The following ELMO1 variants were observed in gnomAD, a reference collection of about 807,000 sequenced individuals.
ELMO1 encodes the protein engulfment and cell motility protein 1.
ELMO1 carries 26 observed loss-of-function variants against 98.9 expected under a neutral mutation model. That is an observed-to-expected ratio of 0.26 (90% CI 0.19 to 0.36). The LOEUF is 0.36. ELMO1 is among the 10% of genes least tolerant of loss of function. The pLI is 1.00. For missense variants in ELMO1, 627 were observed against 935.2 expected (o/e 0.67, Z 4.30); for synonymous variants, 346 against 346.0 (o/e 1.00, Z 0.00).
At chr7:36,906,222 C>A (rs1010133812) in intron 16 of ELMO1, among the ~76,000 whole-genome samples, 5 of 152,224 alleles carry the variant, frequency 3.3e-5, no homozygotes, top group African/African-American at 9.7e-5. Context: ...CCTCAACAGA[C>A]AGACCAGGCA....
At chr7:37,350,941 T>A (rs2717953) in intron 1 of ELMO1, among the ~76,000 whole-genome samples, 56,730 of 151,980 alleles carry the variant, frequency 0.37, 11,045 homozygotes, top group Middle Eastern at 0.47. Context: ...AACACCTTGA[T>A]CTCTGACTTC....
intron 14 of ELMO1, among the ~76,000 whole-genome samples, chr7:37,105,432 G>A (rs1488161106): frequency 1.3e-5 from 2 of 152,196 alleles, no homozygotes; most frequent in African/African-American, 4.8e-5. Context: ...GATGGGTACA[G>A]GTGTAGGGGG....
chr7:37,033,984 T>G (rs188903597), intron 15 of ELMO1, among the ~76,000 whole-genome samples: 1 of 152,332 alleles, frequency 6.6e-6, no homozygotes, highest in East Asian at 1.9e-4. Flanking sequence ...TTAGTGGACT[T>G]ACTTACATTG....
chr7:37,362,643 C>T (rs1201157076), intron 1 of ELMO1, among the ~76,000 whole-genome samples: 1 of 152,158 alleles, frequency 6.6e-6, no homozygotes, highest in African/African-American at 2.4e-5. Context: ...TAGCCAACTG[C>T]CTACTTGACA....
At chr7:37,106,352 G>C (rs977866080) in intron 14 of ELMO1, among the ~76,000 whole-genome samples, 5 of 151,990 alleles carry the variant, frequency 3.3e-5, no homozygotes, top group African/African-American at 1.2e-4. Context: ...CTTATAAAAG[G>C]GCCTGTGATT....
rs567439092 is a variant in ELMO1, at chr7:36,973,670, G to A, written c.1437+39629C>T. On this transcript the variant is annotated intron_variant, in intron 16 of 21. Transcript: ENST00000310758. The stretch of plus-strand genomic sequence containing the variant: ...CACTTGAGAAGCCCTTCAGCCCACC[G>A]CTGCAGTGTGGGAGCCCGTTTCTGG... Among the ~76,000 whole-genome samples, 657 of 152,358 alleles carry A rather than the reference G, an allele frequency of 4.3e-3. 11 individuals are homozygous for A. The highest frequency in any genetic ancestry group is 0.015 in the African/African-American group (623 of 41,594).
At chr7:37,445,069 G>T (rs1805556352) in intron 1 of ELMO1, among the ~76,000 whole-genome samples, 1 of 152,162 alleles carries the variant, frequency 6.6e-6, no homozygotes, top group South Asian at 2.1e-4. Flanking sequence ...TTGACATTAA[G>T]ACTGGGTGTC....
chr7:37,381,871 T>A (rs1802596808), intron 1 of ELMO1, among the ~76,000 whole-genome samples: 1 of 152,140 alleles, frequency 6.6e-6, no homozygotes, highest in South Asian at 2.1e-4. Context: ...AAGGTTAGGA[T>A]CCCTCTGCAA....
chr7:36,923,828 G>C (rs1785329239), intron 16 of ELMO1, among the ~76,000 whole-genome samples: 1 of 152,238 alleles, frequency 6.6e-6, no homozygotes, highest in East Asian at 1.9e-4. Flanking sequence ...CGAATGATAA[G>C]TAGGAATTTT....
chr7:36,855,128 T>C lies in ELMO1; in HGVS notation c.*423A>G. On this transcript the variant is annotated 3_prime_UTR_variant, in exon 22 of 22. Transcript: ENST00000310758. This position sits in a 1 kb window ranked among gnomAD's most constrained non-coding sequence, Gnocchi z 4.2. ...GGGTTTGGTCTTCTCATCAAATAGC[T>C]AGGCCATTTCCTCCAGACAGGGGCC... 1 of 220,544 alleles carries C rather than the reference T, an allele frequency of 4.5e-6. No homozygotes were observed. Among genetic ancestry groups the C allele is most frequent in the Non-Finnish European group, 9.2e-6 (1 of 109,030 alleles). The allele number at this position is 220,544 out of a possible 1,614,324, so 13.7% of individuals were successfully genotyped here. A position where few individuals can be genotyped will look rare whatever the true frequency, so the allele number is the denominator to read the frequency against.
chr7:36,929,051 TGAGA>T lies in ELMO1; in HGVS notation c.1438-34038_1438-34035del, dbSNP rs745342206. Reference sequence around the variant, plus strand: ...GTGGAGATTACTAAGAAAGGGCAGTTGAGAGAGGTTAAGAGTTTTACTCGGGGCA... The same window carrying T: ...GTGGAGATTACTAAGAAAGGGCAGTTGAGGTTAAGAGTTTTACTCGGGGCA... On this transcript the variant is annotated intron_variant, in intron 16 of 21. Transcript: ENST00000310758. Among the ~76,000 whole-genome samples, 73 of 152,332 alleles carry T rather than the reference TGAGA, an allele frequency of 4.8e-4. 1 individual carries two copies. The highest frequency in any genetic ancestry group is 4.1e-4 in the South Asian group (2 of 4,828).
At chr7:36,935,530 C>T (rs1029552213) in intron 16 of ELMO1, among the ~76,000 whole-genome samples, 14 of 152,136 alleles carry the variant, frequency 9.2e-5, no homozygotes, top group African/African-American at 3.4e-4. Context: ...TGCATTAAGG[C>T]ACAAAAGGAG....
At chr7:37,270,260 A>G (rs932944848) in intron 5 of ELMO1, 6 of 152,210 alleles carry the variant, frequency 3.9e-5, no homozygotes, top group African/African-American at 1.2e-4. Context: ...TATAATCTCC[A>G]TTAAGTAGCA....
intron 1 of ELMO1, among the ~76,000 whole-genome samples, chr7:37,435,833 T>C (rs1647788): frequency 0.99 from 151,514 of 152,358 alleles, 75,347 homozygotes; most frequent in Middle Eastern, 1. Context: ...CTACCATCCT[T>C]AGCCACAGCT....
intron 2 of ELMO1, among the ~76,000 whole-genome samples, chr7:37,341,639 C>T (rs1800728758): frequency 6.6e-6 from 1 of 152,080 alleles, no homozygotes; most frequent in South Asian, 2.1e-4. Flanking sequence ...TTAATGATTC[C>T]TTTGGATTCG....
intron 1 of ELMO1, among the ~76,000 whole-genome samples, chr7:37,384,121 T>C (rs1802692401): frequency 6.6e-6 from 1 of 152,060 alleles, no homozygotes; most frequent in Non-Finnish European, 1.5e-5. Flanking sequence ...GGCCGAAACA[T>C]ACAGGTTTTG....
chr7:37,282,649 G>A (rs1218914375), intron 4 of ELMO1, among the ~76,000 whole-genome samples: 1 of 152,174 alleles, frequency 6.6e-6, no homozygotes, highest in Admixed American at 6.5e-5. Context: ...AAAAAAGGCA[G>A]GTGGGAATGA....
intron 13 of ELMO1, among the ~76,000 whole-genome samples, chr7:37,209,694 T>G (rs528759833): frequency 4.6e-5 from 7 of 152,104 alleles, no homozygotes; most frequent in African/African-American, 1.7e-4. Flanking sequence ...GAATTGAGGG[T>G]GAGGTAGAAA....
intron 14 of ELMO1, among the ~76,000 whole-genome samples, chr7:37,116,224 C>T (rs1011130308): frequency 4.6e-5 from 7 of 152,090 alleles, no homozygotes; most frequent in Admixed American, 3.9e-4. Context: ...GAAGAAATAG[C>T]GAAACCCCAG....
Sources: allele counts gnomAD v4.1 joint callset (sites outside exome capture counted in the v4.1 genomes callset), GRCh38; gene constraint gnomAD v4.1.1; non-coding constraint Gnocchi (gnomAD v3.1); transcripts MANE v1.5; gene names NCBI Gene and HGNC (gene_info 2026-07-23, HGNC 2026-07-21).